Variants in UNC5D observed in about 807,000 individuals in gnomAD.
UNC5D encodes unc-5 netrin receptor D.
A neutral mutation model predicts 105.4 loss-of-function variants in UNC5D; 39 were observed. The observed-to-expected ratio is 0.37, with a 90% CI of 0.29 to 0.48. UNC5D has a LOEUF of 0.48. Among genes scored for constraint, UNC5D ranks in the 20% least tolerant of loss-of-function variants. The pLI is 0.98. For synonymous variants in UNC5D, 452 were observed against 450.4 expected, an observed-to-expected ratio of 1.00 and a Z score of -0.04; for missense variants, 991 against 1,202.4, an observed-to-expected ratio of 0.82 and a Z score of 2.60.
At chr8:35,767,209 A>G in intron 15 of UNC5D, 143 bp downstream of exon 15, 2 of 1,074,410 alleles carry the variant, frequency 1.9e-6, no homozygotes, top group Non-Finnish European at 2.6e-6. Flanking sequence ...TGATGAGGGA[A>G]AATAAGCTTT....
At chr8:35,270,233 T>C (rs892173077) in intron 1 of UNC5D, among the ~76,000 whole-genome samples, 1 of 152,178 alleles carries the variant, frequency 6.6e-6, no homozygotes, top group African/African-American at 2.4e-5. Flanking sequence ...TAGTGGATGC[T>C]TGAGTGTGGC....
chr8:35,760,703 G>C (rs1232249022), intron 14 of UNC5D, among the ~76,000 whole-genome samples: 2 of 152,028 alleles, frequency 1.3e-5, no homozygotes, highest in African/African-American at 2.4e-5. Context: ...ATGCTTTCAG[G>C]CTTCTTTGTT....
intron 1 of UNC5D, among the ~76,000 whole-genome samples, chr8:35,442,353 G>A (rs1807462521): frequency 6.6e-6 from 1 of 151,768 alleles, no homozygotes; most frequent in South Asian, 2.1e-4. Flanking sequence ...GTGACATCCA[G>A]CATTCCCTTA....
intron 1 of UNC5D, among the ~76,000 whole-genome samples, chr8:35,457,361 T>C (rs1350544505): frequency 6.6e-6 from 1 of 152,164 alleles, no homozygotes; most frequent in African/African-American, 2.4e-5. Context: ...TTCCTTACCC[T>C]GTATCATGCT....
intron 16 of UNC5D, among the ~76,000 whole-genome samples, chr8:35,780,579 A>AG (rs1482986524): frequency 1.3e-5 from 2 of 152,138 alleles, no homozygotes; most frequent in East Asian, 1.9e-4. Context: ...GGAAGAAGGG[A>AG]GGGGAAAAAA....
At chr8:35,760,129 C>T (rs1027087504) in intron 14 of UNC5D, among the ~76,000 whole-genome samples, 4 of 151,406 alleles carry the variant, frequency 2.6e-5, no homozygotes, top group East Asian at 1.9e-4. Flanking sequence ...CTGCAACCTC[C>T]GCCTCCCGAG....
chr8:35,292,277 A>G (rs1217208573), intron 1 of UNC5D, among the ~76,000 whole-genome samples: 1 of 152,202 alleles, frequency 6.6e-6, no homozygotes, highest in Admixed American at 6.5e-5. Context: ...ATTTAAAAAG[A>G]ATTTGTTCTG....
intron 1 of UNC5D, among the ~76,000 whole-genome samples, chr8:35,259,110 G>C (rs1178839383): frequency 6.6e-6 from 1 of 152,196 alleles, no homozygotes; most frequent in Non-Finnish European, 1.5e-5. Flanking sequence ...GTGTTGGTTT[G>C]TTCTGTGGTG....
intron 9 of UNC5D, chr8:35,724,091 C>G: frequency 7.3e-7 from 1 of 1,366,876 alleles, no homozygotes; most frequent in Non-Finnish European, 9.4e-7. Context: ...TTCCGTGGAG[C>G]ACCAGGCAGC....
chr8:35,712,376 G>A (rs1362050513), intron 8 of UNC5D, among the ~76,000 whole-genome samples: 1 of 152,184 alleles, frequency 6.6e-6, no homozygotes, highest in Non-Finnish European at 1.5e-5. Flanking sequence ...TTGGCTCCAT[G>A]AAACAAGAAA....
intron 5 of UNC5D, among the ~76,000 whole-genome samples, chr8:35,684,254 A>G (rs1474211179): frequency 6.6e-6 from 1 of 152,366 alleles, no homozygotes; most frequent in East Asian, 1.9e-4. Flanking sequence ...TGAAGCACTT[A>G]AAGTCATAGA....
At chr8:35,667,045 C>T (rs749940973) in intron 4 of UNC5D, among the ~76,000 whole-genome samples, 14 of 151,874 alleles carry the variant, frequency 9.2e-5, no homozygotes, top group Admixed American at 7.2e-4. Context: ...CATTAGTTTA[C>T]GGAACTAAAA....
chr8:35,281,299 C>A (rs1278271624), intron 1 of UNC5D, among the ~76,000 whole-genome samples: 2 of 152,186 alleles, frequency 1.3e-5, no homozygotes, highest in Admixed American at 1.3e-4. Context: ...TGACTGTCTG[C>A]ATACTAAGTC....
At chr8:35,333,196 G>T (rs1277686931) in intron 1 of UNC5D, among the ~76,000 whole-genome samples, 3 of 152,054 alleles carry the variant, frequency 2.0e-5, no homozygotes, top group African/African-American at 7.2e-5. Flanking sequence ...AAATTAGCTG[G>T]CTGTGTCTCA....
intron 1 of UNC5D, among the ~76,000 whole-genome samples, chr8:35,495,741 G>C (rs998789598): frequency 6.6e-6 from 1 of 152,062 alleles, no homozygotes; most frequent in African/African-American, 2.4e-5. Flanking sequence ...ACAAGTGTGT[G>C]CAAAAATTTC....
chr8:35,738,004 G>T (rs1399826942), intron 11 of UNC5D, among the ~76,000 whole-genome samples: 3 of 152,166 alleles, frequency 2.0e-5, no homozygotes, highest in Non-Finnish European at 4.4e-5. Context: ...TACTAGGGAG[G>T]CTGAGGCAGG....
At chr8:35,766,768 T>C in intron 14 of UNC5D, 134 bp from the exon 15 acceptor site, 3 of 1,060,710 alleles carry the variant, frequency 2.8e-6, no homozygotes, top group Non-Finnish European at 3.8e-6. Flanking sequence ...CCTAGGCAAT[T>C]ATCTCTGCTG....
At chr8:35,432,244 G>A (rs371256858) in intron 1 of UNC5D, among the ~76,000 whole-genome samples, 1 of 152,062 alleles carries the variant, frequency 6.6e-6, no homozygotes, top group Non-Finnish European at 1.5e-5. Flanking sequence ...ATTTAAAATA[G>A]CATTTGGCAC....
chr8:35,737,458 C>CATAG (rs1829535220), intron 11 of UNC5D, among the ~76,000 whole-genome samples: 1 of 149,982 alleles, frequency 6.7e-6, no homozygotes, highest in Non-Finnish European at 1.5e-5. Flanking sequence ...AGGGAATAAA[C>CATAG]ATAGCTCTTT....
Sources: allele counts gnomAD v4.1 joint callset (sites outside exome capture counted in the v4.1 genomes callset), GRCh38; gene constraint gnomAD v4.1.1; transcripts MANE v1.5; gene names NCBI Gene and HGNC (gene_info 2026-07-23, HGNC 2026-07-21).